The following SEZ6 variants were observed in gnomAD, a reference collection of about 807,000 sequenced individuals.
SEZ6 encodes seizure protein 6 homolog.
SEZ6 carries 53 observed loss-of-function variants against 101.0 expected under a neutral mutation model. The observed-to-expected ratio is 0.52, with a 90% CI of 0.42 to 0.66. The LOEUF (loss-of-function observed/expected upper bound fraction) is 0.66. Among genes scored for constraint, SEZ6 ranks in the 30% least tolerant of loss-of-function variants. SEZ6 has a pLI of 0.00. For synonymous variants in SEZ6, 488 were observed against 512.2 expected (o/e 0.95, Z 0.64); for missense variants, 1,102 against 1,289.4 (o/e 0.85, Z 2.23).
rs562402200 is a variant in SEZ6 at position 28,983,208 on chromosome 17, T to C, written c.56-1169A>G. Among the ~76,000 whole-genome samples, 5 of 152,198 alleles carry C rather than the reference T, an allele frequency of 3.3e-5. No homozygotes were observed. The South Asian group carries it at 6.2e-4, about 19-fold the overall frequency. On this transcript the variant is annotated intron_variant, in intron 1 of 16. Transcript: ENST00000317338. Reference sequence around the variant, plus strand: ...AAGCTCAGTTTTCTCATCTGTAAAATTGGGTTTCCTTTTTAGGATTGACTG... The same window carrying C: ...AAGCTCAGTTTTCTCATCTGTAAAACTGGGTTTCCTTTTTAGGATTGACTG...
At position 28,955,011 on chromosome 17, in the gene SEZ6, T is replaced by A. The variant is rs377378587; in HGVS notation, c.*951A>T. The A allele has an allele frequency of 4.7e-4, 71 of 150,204 alleles. No individual in the cohort carries two copies. Among genetic ancestry groups the A allele is most frequent in the African/African-American group, 1.7e-3 (70 of 40,524 alleles). The allele number at this position is 150,204 out of a possible 1,614,324, so 9.3% of individuals were successfully genotyped here. A position where few individuals can be genotyped will look rare whatever the true frequency, so the allele number is the denominator to read the frequency against. ...GGAGCCCAGACCCCATATAATACAT[T>A]ACATGTACAAAGTGGCTTTCAGCCA... On this transcript the variant is annotated 3_prime_UTR_variant, in exon 17 of 17. Transcript: ENST00000317338.
intron 1 of SEZ6, among the ~76,000 whole-genome samples, chr17:28,986,338 C>T (rs1337790863): frequency 6.6e-6 from 1 of 152,206 alleles, no homozygotes; most frequent in Non-Finnish European, 1.5e-5. Flanking sequence ...GGACCGCTTA[C>T]CCCGCCTCAC....
rs756701983 is a variant in SEZ6 at position 28,959,677 on chromosome 17, C to A, written c.1771+21G>T. 9 of 1,563,784 alleles carry A rather than the reference C, an allele frequency of 5.8e-6. No individual in the cohort carries two copies. The African/African-American group carries it at 1.2e-4, about 21-fold the overall frequency. On this transcript the variant is annotated intron_variant, in intron 8 of 16. Transcript: ENST00000317338. This position sits in a 1 kb window ranked among gnomAD's most constrained non-coding sequence, Gnocchi z 4.4. The stretch of plus-strand genomic sequence containing the variant: ...GACCCTGCCTTTTGCCCGGTAGGCC[C>A]ATCCACTGGTGTCTACTGACCTCGG...
At chr17:28,956,850 A>G in intron 13 of SEZ6, 93 bp from the exon 14 acceptor site, 1 of 1,480,520 alleles carries the variant, frequency 6.8e-7, no homozygotes, top group Non-Finnish European at 9.2e-7. Flanking sequence ...GATCATGGGA[A>G]GGATTTGTCC....
At chr17:28,968,667 A>G (rs2041106187) in intron 4 of SEZ6, among the ~76,000 whole-genome samples, 1 of 152,028 alleles carries the variant, frequency 6.6e-6, no homozygotes, top group Non-Finnish European at 1.5e-5. Context: ...TGGAGGGGTG[A>G]GGGTAGGGTG....
At chr17:29,000,281 G>T (rs980927025) in intron 1 of SEZ6, among the ~76,000 whole-genome samples, 5 of 152,214 alleles carry the variant, frequency 3.3e-5, no homozygotes, top group African/African-American at 1.2e-4. Context: ...TTTGTGAAAT[G>T]GGCAGACACT....
At chr17:28,965,610 G>C (rs913116840) in intron 4 of SEZ6, among the ~76,000 whole-genome samples, 17 of 152,206 alleles carry the variant, frequency 1.1e-4, no homozygotes, top group Admixed American at 9.8e-4. Flanking sequence ...CTGCGCTCCA[G>C]CCTAGGTGAC....
chr17:28,957,685 G>T, intron 11 of SEZ6, 146 bp from the exon 12 acceptor site: 2 of 963,270 alleles, frequency 2.1e-6, no homozygotes, highest in Middle Eastern at 3.3e-4. Context: ...ATGCTAGTGT[G>T]TCCCCCCATT....
rs1248897294 is a variant in SEZ6 at position 28,955,847 on chromosome 17, C to T, written c.*115G>A. On this transcript the variant is annotated 3_prime_UTR_variant, in exon 17 of 17. Coordinates refer to ENST00000317338, the MANE Select transcript of SEZ6 (RefSeq NM_178860.5). ...TCTTGAGGGCTTGGTGGCATCTCCTCCTAGGTGGTATATACAGGAGGTGGA... is the reference window on the plus strand; with the variant it reads ...TCTTGAGGGCTTGGTGGCATCTCCTTCTAGGTGGTATATACAGGAGGTGGA... The T allele has an allele frequency of 4.1e-6, 5 of 1,204,832 alleles. No individual in the cohort carries two copies. Among genetic ancestry groups the T allele is most frequent in the East Asian group, 5.1e-5 (2 of 39,364 alleles). The allele number at this position is 1,204,832 out of a possible 1,614,324, so 74.6% of individuals were successfully genotyped here. A position where few individuals can be genotyped will look rare whatever the true frequency, so the allele number is the denominator to read the frequency against.
intron 1 of SEZ6, among the ~76,000 whole-genome samples, chr17:28,996,040 G>A (rs530362824): frequency 6.6e-6 from 1 of 151,328 alleles, no homozygotes; most frequent in South Asian, 2.1e-4. Context: ...AGTCTCTGTT[G>A]CTCAGGCTGG....
chr17:28,983,963 T>C (rs2041344604), intron 1 of SEZ6, among the ~76,000 whole-genome samples: 1 of 151,770 alleles, frequency 6.6e-6, no homozygotes, highest in African/African-American at 2.4e-5. Context: ...AGGGAGGAAA[T>C]TGGGTGGGGG....
chr17:28,976,447 T>C (rs1201616069), intron 3 of SEZ6, among the ~76,000 whole-genome samples: 1 of 152,178 alleles, frequency 6.6e-6, no homozygotes, highest in African/African-American at 2.4e-5. Flanking sequence ...ATGGCTCCTG[T>C]CACTCTTCTT....
chr17:28,957,246 C>T lies in SEZ6; in HGVS notation c.2495-4G>A, dbSNP rs2040895570. ...TGGCATGGCTTGAGCTGTTCCACTA[C>T]AAAGCAGGCAGAGTGCAGTGAGGGT... On this transcript the variant is annotated splice_region_variant and splice_polypyrimidine_tract_variant and intron_variant, in intron 12 of 16. Coordinates refer to ENST00000317338, the MANE Select transcript of SEZ6 (RefSeq NM_178860.5). The T allele has an allele frequency of 6.2e-7, 1 of 1,613,876 alleles. No individual in the cohort carries two copies. Among genetic ancestry groups the T allele is most frequent in the South Asian group, 1.1e-5 (1 of 91,088 alleles).
Position 28,960,146 on chromosome 17 carries a change from C to T in SEZ6, c.1577-254G>A, listed in dbSNP as rs1201575550. The T allele has an allele frequency of 8.6e-6, 5 of 584,614 alleles. No individual in the cohort carries two copies. In the African/African-American group the frequency reaches 9.3e-5, roughly 11 times the overall value. 36.2% of individuals were successfully genotyped at this position (584,614 alleles called of 1,614,324 possible). On this transcript the variant is annotated intron_variant, in intron 7 of 16. Coordinates refer to ENST00000317338, the MANE Select transcript of SEZ6 (RefSeq NM_178860.5). ...TTGTGCTTAGTACACAGAAGGTACTCCATACATGTTTTTTGAATGAATTAA... is the reference window on the plus strand; with the variant it reads ...TTGTGCTTAGTACACAGAAGGTACTTCATACATGTTTTTTGAATGAATTAA...
In SEZ6 at chr17:28,957,159, C is replaced by T. The variant is rs777787052; in HGVS notation, c.2578G>A (p.Ala860Thr). Residue 860 changes from alanine (A) to threonine (T), a missense_variant, in exon 13 of 17, where the codon GCC (alanine) becomes ACC (threonine). Transcript: ENST00000317338. ...GGGGCACACGAGAAGTGGATGGTGG[C>T]CCCTGCTGGGTGTAGCTGCTTCTCA... is the stretch of plus-strand genomic sequence containing the variant. ...SPEKQLHPAG[A>T]TIHFSCAPGY... 4 of 1,613,936 alleles carry T rather than the reference C, an allele frequency of 2.5e-6. No individual in the cohort carries two copies. Among genetic ancestry groups the T allele is most frequent in the Non-Finnish European group, 3.4e-6 (4 of 1,179,848 alleles).
intron 3 of SEZ6, among the ~76,000 whole-genome samples, chr17:28,975,430 G>T (rs1219997224): frequency 6.6e-6 from 1 of 152,198 alleles, no homozygotes; most frequent in Admixed American, 6.5e-5. Context: ...CACAGAGAAG[G>T]CCAGGGGTTT....
intron 3 of SEZ6, among the ~76,000 whole-genome samples, chr17:28,975,428 A>G (rs969832574): frequency 6.6e-6 from 1 of 152,232 alleles, no homozygotes; most frequent in Non-Finnish European, 1.5e-5. Flanking sequence ...GGCACAGAGA[A>G]GGCCAGGGGT....
At chr17:28,983,231 C>T (rs769336023) in intron 1 of SEZ6, among the ~76,000 whole-genome samples, 4 of 152,228 alleles carry the variant, frequency 2.6e-5, no homozygotes, top group Non-Finnish European at 4.4e-5. Context: ...TTAGGATTGA[C>T]TGAGATAATA....
chr17:29,005,715 TG>T lies in SEZ6; in HGVS notation c.55+99del. ...AGCCGGCGGGGCGCGGTGCTTGGAC[TG>T]GGCAGCCAGATGCCCGAAGCTGGGC... On this transcript the variant is annotated intron_variant, in intron 1 of 16. Coordinates refer to ENST00000317338, the MANE Select transcript of SEZ6 (RefSeq NM_178860.5). The surrounding 1 kb of genome is among the most constrained non-coding windows in gnomAD (Gnocchi z 4.8). The T allele has an allele frequency of 8.0e-7, 1 of 1,250,626 alleles. No homozygotes were observed. The highest frequency in any genetic ancestry group is 1.1e-6 in the Non-Finnish European group (1 of 941,260). The allele number at this position is 1,250,626 out of a possible 1,614,324, so 77.5% of individuals were successfully genotyped here. A position where few individuals can be genotyped will look rare whatever the true frequency, so the allele number is the denominator to read the frequency against.
Sources: allele counts gnomAD v4.1 joint callset (sites outside exome capture counted in the v4.1 genomes callset), GRCh38; gene constraint gnomAD v4.1.1; non-coding constraint Gnocchi (gnomAD v3.1); transcripts MANE v1.5; gene names NCBI Gene and HGNC (gene_info 2026-07-23, HGNC 2026-07-21).